The following MCPH1 variants were observed in gnomAD, a reference collection of about 807,000 sequenced individuals.
The protein encoded by MCPH1 is microcephalin.
A neutral mutation model predicts 84.5 loss-of-function variants in MCPH1; 104 were observed. The observed-to-expected ratio is 1.23, with a 90% CI of 1.05 to 1.45. The LOEUF (loss-of-function observed/expected upper bound fraction) is 1.45. Ranked by LOEUF, MCPH1 falls within the 40% of genes most tolerant of loss-of-function variation. The pLI is 0.00. For missense variants in MCPH1, 1,498 were observed against 1,005.7 expected (o/e 1.49, Z -6.62); for synonymous variants, 514 against 366.8 (o/e 1.40, Z -4.58).
intron 3 of MCPH1, among the ~76,000 whole-genome samples, chr8:6,421,824 C>T (rs1388074047): frequency 6.6e-6 from 1 of 152,124 alleles, no homozygotes; most frequent in Non-Finnish European, 1.5e-5. Context: ...GTCAGCTGCT[C>T]CCCTCTCCCT....
chr8:6,408,268 GC>G (rs1271389234), intron 1 of MCPH1, among the ~76,000 whole-genome samples: 2 of 152,190 alleles, frequency 1.3e-5, no homozygotes, highest in African/African-American at 2.4e-5. Flanking sequence ...TTACTCTCTT[GC>G]CCAGGCTGGA....
intron 12 of MCPH1, among the ~76,000 whole-genome samples, chr8:6,580,592 A>T (rs1022728285): frequency 1.3e-5 from 2 of 152,200 alleles, no homozygotes; most frequent in African/African-American, 4.8e-5. Context: ...CAGACGTTGC[A>T]GTGAGCTGTG....
At chr8:6,492,347 G>C (rs1300917272) in intron 11 of MCPH1, among the ~76,000 whole-genome samples, 1 of 152,020 alleles carries the variant, frequency 6.6e-6, no homozygotes, top group Non-Finnish European at 1.5e-5. Context: ...AAATTTGTTA[G>C]AGTTCTTTGT....
intron 5 of MCPH1, 141 bp downstream of exon 5, chr8:6,436,303 T>G: frequency 2.1e-6 from 2 of 954,064 alleles, no homozygotes; most frequent in Non-Finnish European, 3.0e-6. Flanking sequence ...AAACAAAATG[T>G]CAGGAGCCTG....
Position 6,605,807 on chromosome 8 carries a change from C to T in MCPH1, c.2215-15647C>T, listed in dbSNP as rs542107963. Among the ~76,000 whole-genome samples, 6 of 152,324 alleles carry T rather than the reference C, an allele frequency of 3.9e-5. No individual in the cohort carries two copies. The East Asian group carries it at 7.7e-4, about 20-fold the overall frequency. On this transcript the variant is annotated intron_variant, in intron 12 of 13. Coordinates refer to ENST00000344683, the MANE Select transcript of MCPH1 (RefSeq NM_024596.5). ...CCACCTCCCAGGTTCAAGCAATTCTCGTGCCTCAGACTCCCAAGTAGCTGG... is the reference window on the plus strand; with the variant it reads ...CCACCTCCCAGGTTCAAGCAATTCTTGTGCCTCAGACTCCCAAGTAGCTGG...
rs920729043 is a variant in MCPH1, at chr8:6,645,752, A to G, written c.*2703A>G. 5 of 152,180 alleles carry G rather than the reference A, an allele frequency of 3.3e-5. No homozygotes were observed. The highest frequency in any genetic ancestry group is 2.1e-4 in the South Asian group (1 of 4,830). The allele number at this position is 152,180 out of a possible 1,614,324, so 9.4% of individuals were successfully genotyped here. The stretch of plus-strand genomic sequence containing the variant: ...TACTGTCAATAAGCAATTCAAAATG[A>G]AATTAAGACCACGATTCCATTTAAA... On this transcript the variant is annotated 3_prime_UTR_variant, in exon 14 of 14. Coordinates refer to ENST00000344683, the MANE Select transcript of MCPH1 (RefSeq NM_024596.5).
chr8:6,502,966 C>A, intron 12 of MCPH1: 3 of 975,794 alleles, frequency 3.1e-6, no homozygotes, highest in Non-Finnish European at 1.5e-6. Context: ...TAATCTGGAG[C>A]ATGTGGGTCC....
intron 13 of MCPH1, among the ~76,000 whole-genome samples, chr8:6,634,411 G>T (rs1175505188): frequency 2.6e-5 from 4 of 152,170 alleles, no homozygotes; most frequent in Non-Finnish European, 5.9e-5. Flanking sequence ...ATGACCATTT[G>T]GGTGCTACTG....
At chr8:6,554,053 A>G (rs952664819) in intron 12 of MCPH1, among the ~76,000 whole-genome samples, 2 of 151,250 alleles carry the variant, frequency 1.3e-5, no homozygotes, top group African/African-American at 4.9e-5. Context: ...AACAGTCATA[A>G]TGAAGGTGCT....
At chr8:6,574,755 G>A (rs1586681036) in intron 12 of MCPH1, among the ~76,000 whole-genome samples, 1 of 152,134 alleles carries the variant, frequency 6.6e-6, no homozygotes, top group East Asian at 1.9e-4. Context: ...GACGAGATAA[G>A]GACCAGGAGA....
chr8:6,449,213 T>C (rs915824221), intron 8 of MCPH1, among the ~76,000 whole-genome samples: 5 of 152,252 alleles, frequency 3.3e-5, no homozygotes, highest in Non-Finnish European at 5.9e-5. Flanking sequence ...TAGAAGACGC[T>C]GATGGAATTC....
chr8:6,454,322 C>A (rs1208996546), intron 8 of MCPH1, among the ~76,000 whole-genome samples: 1 of 152,180 alleles, frequency 6.6e-6, no homozygotes, highest in Non-Finnish European at 1.5e-5. Context: ...TTGGCTATCA[C>A]CTGCCTGGCA....
chr8:6,634,510 A>C (rs1234438275), intron 13 of MCPH1, among the ~76,000 whole-genome samples: 1 of 152,188 alleles, frequency 6.6e-6, no homozygotes, highest in Non-Finnish European at 1.5e-5. Flanking sequence ...GTGCTGTGCA[A>C]ATGCAGCAGG....
chr8:6,509,703 C>T (rs944189003), intron 12 of MCPH1, among the ~76,000 whole-genome samples: 1 of 152,200 alleles, frequency 6.6e-6, no homozygotes, highest in Admixed American at 6.5e-5. Context: ...TTCTGATAAG[C>T]CCATTTTCTG....
chr8:6,495,853 T>A (rs970995638), intron 11 of MCPH1, among the ~76,000 whole-genome samples: 4 of 152,228 alleles, frequency 2.6e-5, no homozygotes, highest in Admixed American at 2.6e-4. Flanking sequence ...TGAAATCAAC[T>A]ACATTCCTAT....
At chr8:6,640,775 A>C (rs551546122) in intron 13 of MCPH1, among the ~76,000 whole-genome samples, 12 of 152,346 alleles carry the variant, frequency 7.9e-5, no homozygotes, top group African/African-American at 2.9e-4. Context: ...CTTTAAAAAT[A>C]ATCTCATATT....
At chr8:6,559,952 A>T (rs1017068762) in intron 12 of MCPH1, among the ~76,000 whole-genome samples, 1 of 152,168 alleles carries the variant, frequency 6.6e-6, no homozygotes, top group African/African-American at 2.4e-5. Context: ...CAGAAGCCTG[A>T]CACTTCCTTT....
intron 12 of MCPH1, among the ~76,000 whole-genome samples, chr8:6,611,792 G>C (rs1055195503): frequency 2.0e-4 from 31 of 152,108 alleles, no homozygotes; most frequent in African/African-American, 7.5e-4. Flanking sequence ...CTAATTTTTT[G>C]TATTTTTAGC....
chr8:6,506,203 C>G (rs1586198483), intron 12 of MCPH1, among the ~76,000 whole-genome samples: 1 of 151,858 alleles, frequency 6.6e-6, no homozygotes, highest in Admixed American at 6.6e-5. Context: ...ATATTCAGGA[C>G]TTTGACAGAT....
Sources: gnomAD v4.1 joint callset for allele counts (sites outside exome capture counted in the v4.1 genomes callset) on GRCh38, gnomAD v4.1.1 for gene constraint, MANE v1.5 for transcripts, NCBI Gene and HGNC (gene_info 2026-07-23, HGNC 2026-07-21) for gene names.